Variants in REPS1 observed in about 807,000 individuals in gnomAD.
The protein encoded by REPS1 is ralBP1-associated Eps domain-containing protein 1.
A neutral mutation model predicts 100.9 loss-of-function variants in REPS1; 39 were observed. The ratio of observed to expected loss-of-function variants is 0.39; its 90% CI spans 0.30 to 0.50. REPS1 has a LOEUF of 0.50. REPS1 is among the 20% of genes least tolerant of loss of function. The pLI is 0.86. For missense variants in REPS1, 821 were observed against 968.5 expected, an observed-to-expected ratio of 0.85 and a Z score of 2.02; for synonymous variants, 324 against 340.3, an observed-to-expected ratio of 0.95 and a Z score of 0.53.
At position 138,987,750 on chromosome 6, in the gene REPS1, G is replaced by A. The variant is rs1394137152; in HGVS notation, c.-68C>T. The A allele has an allele frequency of 1.4e-6, 2 of 1,425,886 alleles. No homozygotes were observed. The highest frequency in any genetic ancestry group is 1.8e-6 in the Non-Finnish European group (2 of 1,088,360). The allele number at this position is 1,425,886 out of a possible 1,614,324, so 88.3% of individuals were successfully genotyped here. The stretch of plus-strand genomic sequence containing the variant: ...TCGGGGCCCGGCCCCAGGAACCTGG[G>A]CCGGCAGGGGCTGCGCGTGGCCCGG... On this transcript the variant is annotated 5_prime_UTR_variant, in exon 1 of 20. Coordinates refer to ENST00000450536, the MANE Select transcript of REPS1 (RefSeq NM_001286611.2).
intron 12 of REPS1, among the ~76,000 whole-genome samples, chr6:138,918,632 A>G (rs1400626555): frequency 3.3e-5 from 5 of 152,236 alleles, no homozygotes; most frequent in Non-Finnish European, 7.3e-5. Context: ...TCGCTTTTAA[A>G]GAACAAATTA....
At chr6:138,976,468 A>C (rs1784609754) in intron 1 of REPS1, among the ~76,000 whole-genome samples, 1 of 152,202 alleles carries the variant, frequency 6.6e-6, no homozygotes, top group Admixed American at 6.5e-5. Context: ...GATTCATGAT[A>C]GTGACGGTGA....
chr6:138,920,154 TAGTC>T (rs572749906), intron 12 of REPS1, 57 bp downstream of exon 12: 10 of 884,126 alleles, frequency 1.1e-5, no homozygotes, highest in Middle Eastern at 4.3e-4. Flanking sequence ...ACATCTGAAA[TAGTC>T]AGACTCTAAA....
chr6:138,980,685 C>CG (rs377362890), intron 1 of REPS1, among the ~76,000 whole-genome samples: 305 of 14,774 alleles, frequency 0.021, 5 homozygotes, highest in South Asian at 0.047. Flanking sequence ...GTGGGTGGGG[C>CG]GGGGGGGGGG....
intron 1 of REPS1, among the ~76,000 whole-genome samples, chr6:138,969,884 T>TA (rs1554296895): frequency 4.2e-5 from 5 of 120,258 alleles, no homozygotes; most frequent in African/African-American, 1.7e-4. Context: ...TTTTTTTTTT[T>TA]AGTAAGTACC....
intron 17 of REPS1, chr6:138,910,828 T>C (rs1428601133): frequency 6.4e-6 from 1 of 155,296 alleles, no homozygotes; most frequent in Non-Finnish European, 1.4e-5. Context: ...AATTTACTGA[T>C]GTACAATGAA....
chr6:138,907,188 G>T (rs944621294), intron 19 of REPS1, among the ~76,000 whole-genome samples: 1 of 151,890 alleles, frequency 6.6e-6, no homozygotes, highest in African/African-American at 2.4e-5. Context: ...GACAAACTAG[G>T]ACCTGGGTGC....
intron 8 of REPS1, among the ~76,000 whole-genome samples, chr6:138,930,747 G>T (rs1050243373): frequency 6.6e-6 from 1 of 151,918 alleles, no homozygotes; most frequent in Non-Finnish European, 1.5e-5. Context: ...TACTTGCAAG[G>T]CACAAAGCAG....
chr6:138,911,843 AGAG>A (rs1280755785), intron 16 of REPS1, among the ~76,000 whole-genome samples: 3 of 149,916 alleles, frequency 2.0e-5, no homozygotes, highest in African/African-American at 2.5e-5. Context: ...TGTGTGAGGG[AGAG>A]GAGGACAGGC....
intron 1 of REPS1, among the ~76,000 whole-genome samples, chr6:138,949,581 C>A (rs1222499856): frequency 8.6e-5 from 13 of 152,032 alleles, no homozygotes; most frequent in African/African-American, 3.1e-4. Flanking sequence ...CAAAAGTTAG[C>A]CAGGTGTGGT....
In REPS1 at chr6:138,925,577, A is replaced by G. The variant is rs1169639150; in HGVS notation, c.1338+824T>C. Among the ~76,000 whole-genome samples the G allele has an allele frequency of 2.0e-5, 3 of 152,132 alleles. No individual in the cohort carries two copies. In the South Asian group the frequency reaches 6.2e-4, roughly 32 times the overall value. ...ATCTTTCTACTCAGCTCATTTTAAA[A>G]ATTCTGCCTTTACACATTTCTTCAC... On this transcript the variant is annotated intron_variant, in intron 10 of 19. Coordinates refer to ENST00000450536, the MANE Select transcript of REPS1 (RefSeq NM_001286611.2).
At chr6:138,925,603 T>C (rs1170948670) in intron 10 of REPS1, among the ~76,000 whole-genome samples, 1 of 151,786 alleles carries the variant, frequency 6.6e-6, no homozygotes. Context: ...ATTTCTTCAC[T>C]TTCTGCTTAC....
intron 1 of REPS1, among the ~76,000 whole-genome samples, chr6:138,969,859 ATTTTTT>A (rs56070030): frequency 2.1e-5 from 2 of 94,636 alleles, no homozygotes; most frequent in Non-Finnish European, 3.9e-5. Flanking sequence ...GTGAATTGGG[ATTTTTT>A]TTTTTTTTTT....
intron 1 of REPS1, among the ~76,000 whole-genome samples, chr6:138,968,385 G>T (rs1784131186): frequency 6.6e-6 from 1 of 152,294 alleles, no homozygotes; most frequent in East Asian, 1.9e-4. Flanking sequence ...ATTACGCATT[G>T]TTATTTTCAT....
chr6:138,931,128 G>A (rs1258536109), intron 8 of REPS1, among the ~76,000 whole-genome samples: 1 of 152,164 alleles, frequency 6.6e-6, no homozygotes, highest in African/African-American at 2.4e-5. Context: ...CCATGGGCAA[G>A]TTGAATGAAA....
intron 8 of REPS1, among the ~76,000 whole-genome samples, chr6:138,935,136 G>A (rs902907886): frequency 6.6e-6 from 1 of 152,180 alleles, no homozygotes; most frequent in African/African-American, 2.4e-5. Flanking sequence ...CAGACCTTAT[G>A]AGGGTCTATG....
chr6:138,914,724 T>C lies in REPS1; in HGVS notation c.1758A>G (p.Ala586=), dbSNP rs760644867. The stretch of plus-strand genomic sequence containing the variant: ...GTGAGGGCTGTGGTCTTGGAGGCAC[T>C]GCAGGAGGATGGGCAACAACTCCAG... ...QQAGVVAHPP[A]VPPRPQPSQA... The change falls in exon 15 of 20, where the codon GCA becomes GCG. Residue 586 remains alanine (A), a synonymous_variant. Transcript: ENST00000450536. The C allele has an allele frequency of 6.2e-7, 1 of 1,612,194 alleles. No individual in the cohort carries two copies.
At chr6:138,979,188 AAAAAAAAAAC>A (rs1423876866) in intron 1 of REPS1, among the ~76,000 whole-genome samples, 7 of 148,686 alleles carry the variant, frequency 4.7e-5, no homozygotes, top group African/African-American at 7.6e-5. Flanking sequence ...CACAAAAAAA[AAAAAAAAAAC>A]AAAAAAAAAA....
intron 11 of REPS1, among the ~76,000 whole-genome samples, chr6:138,920,797 A>G (rs1363577624): frequency 6.6e-6 from 1 of 152,242 alleles, no homozygotes; most frequent in Non-Finnish European, 1.5e-5. Flanking sequence ...GGATGAACAT[A>G]AAAACCCACG....
Sources: allele counts gnomAD v4.1 joint callset (sites outside exome capture counted in the v4.1 genomes callset), GRCh38; gene constraint gnomAD v4.1.1; transcripts MANE v1.5; gene names NCBI Gene and HGNC (gene_info 2026-07-23, HGNC 2026-07-21).